Variants in NTRK1 observed in about 807,000 individuals in gnomAD.
The protein encoded by NTRK1 is high affinity nerve growth factor receptor.
In NTRK1, 62 loss-of-function variants were observed where a neutral mutation model predicts 86.8. The observed-to-expected ratio is 0.71, with a 90% CI of 0.58 to 0.88. The LOEUF is 0.88. Ranked by LOEUF, NTRK1 falls within the 40% of genes least tolerant of loss-of-function variation. NTRK1 has a pLI of 0.00. For synonymous variants in NTRK1, 469 were observed against 456.6 expected (o/e 1.03, Z -0.35); for missense variants, 967 against 1,078.4 (o/e 0.90, Z 1.45).
chr1:156,855,918 C>CGT (rs57540966), upstream of NTRK1, among the ~76,000 whole-genome samples: 3,448 of 149,430 alleles, frequency 0.023, 111 homozygotes, highest in African/African-American at 0.074. Context: ...GACTAATGTG[C>CGT]GTGTGTGTGT....
intron 2 of NTRK1, chr1:156,849,262 G>T: frequency 6.2e-7 from 1 of 1,613,932 alleles, no homozygotes; most frequent in Non-Finnish European, 8.5e-7. Flanking sequence ...CGCGGTCTCC[G>T]TTGGTGCGGG....
At chr1:156,842,208 C>T (rs1231811630) in intron 2 of NTRK1, 4 of 1,614,102 alleles carry the variant, frequency 2.5e-6, no homozygotes, top group South Asian at 1.1e-5. Flanking sequence ...GCCATGCCGT[C>T]TGCAATCTCA....
intron 2 of NTRK1, among the ~76,000 whole-genome samples, chr1:156,855,164 G>T (rs1655362061): frequency 1.8e-5 from 1 of 56,422 alleles, no homozygotes; most frequent in South Asian, 5.8e-4. Flanking sequence ...GGCCTTCTCT[G>T]ACCATCCAAT....
intron 1 of NTRK1, among the ~76,000 whole-genome samples, chr1:156,816,423 C>T (rs1571631087): frequency 6.6e-6 from 1 of 152,224 alleles, no homozygotes; most frequent in South Asian, 2.1e-4. Flanking sequence ...GCCTCCTTCT[C>T]CCTTCATCCT....
At chr1:156,826,599 T>C (rs1242006483) in intron 1 of NTRK1, among the ~76,000 whole-genome samples, 1 of 152,152 alleles carries the variant, frequency 6.6e-6, no homozygotes, top group Non-Finnish European at 1.5e-5. Flanking sequence ...GATCTCTAAG[T>C]AGTTGAGGCT....
chr1:156,859,934 C>T (rs887340173), upstream of NTRK1, among the ~76,000 whole-genome samples: 6 of 152,202 alleles, frequency 3.9e-5, no homozygotes, highest in Non-Finnish European at 7.3e-5. This position sits in a 1 kb window ranked among gnomAD's most constrained non-coding sequence, Gnocchi z 6.2. Context: ...CTTCTGCTGC[C>T]CTGGGTGCTG....
intron 1 of NTRK1, among the ~76,000 whole-genome samples, chr1:156,862,141 C>T (rs1427603521): frequency 6.6e-6 from 1 of 152,170 alleles, no homozygotes; most frequent in Non-Finnish European, 1.5e-5. Flanking sequence ...CTGTGATGGG[C>T]TGGAAGGTAT....
At chr1:156,848,800 C>T in intron 2 of NTRK1, 8 of 1,222,786 alleles carry the variant, frequency 6.5e-6, no homozygotes, top group Non-Finnish European at 9.0e-6. Context: ...GTACAACTTG[C>T]GGGTCCTGGC....
intron 8 of NTRK1, chr1:156,874,170 G>T (rs2102907676): frequency 1.1e-6 from 1 of 905,378 alleles, no homozygotes; most frequent in Non-Finnish European, 1.8e-6. Flanking sequence ...TTGTCGGCTG[G>T]CTGAGGAGAC....
chr1:156,832,453 A>G (rs558123116), intron 1 of NTRK1, among the ~76,000 whole-genome samples: 4 of 152,350 alleles, frequency 2.6e-5, no homozygotes, highest in African/African-American at 9.6e-5. Flanking sequence ...CAAGGGGAAG[A>G]GAAATCAGTA....
At chr1:156,850,900 C>A (rs114554164) in intron 2 of NTRK1, among the ~76,000 whole-genome samples, 1 of 152,154 alleles carries the variant, frequency 6.6e-6, no homozygotes, top group African/African-American at 2.4e-5. Flanking sequence ...TATAGGTAGG[C>A]CTTGACTGGC....
rs1317722196 is a variant in NTRK1 at position 156,874,369 on chromosome 1, C to T, written c.1178-14C>T. 1 of 1,613,998 alleles carries T rather than the reference C, an allele frequency of 6.2e-7. No individual in the cohort carries two copies. Among genetic ancestry groups the T allele is most frequent in the Non-Finnish European group, 8.5e-7 (1 of 1,180,010 alleles). ...CCTCCCTCTGACTGCTTTCTCTCCT[C>T]CCTCCTGCTGCAGTCTCCTTCTCGC... is the stretch of plus-strand genomic sequence containing the variant. On this transcript the variant is annotated splice_polypyrimidine_tract_variant and intron_variant, in intron 8 of 16. Transcript: ENST00000524377.
At chr1:156,840,845 G>T in intron 1 of NTRK1, 1 of 1,562,734 alleles carries the variant, frequency 6.4e-7, no homozygotes, top group South Asian at 1.1e-5. Context: ...TCTCCCCATG[G>T]GAGGCCAGCC....
chr1:156,841,764 G>A, intron 1 of NTRK1: 1 of 1,614,146 alleles, frequency 6.2e-7, no homozygotes, highest in Non-Finnish European at 8.5e-7. Flanking sequence ...GTAATAGTCT[G>A]TCTCATACAC....
rs1655354223 is a variant in NTRK1, at chr1:156,854,897, T to C, written c.51-9457T>C. ...TAACCCCCCGTGACTTCCATCTCTC[T>C]TGATCTTACTACAGCCTACAGGGCC... On this transcript the variant is annotated intron_variant, in intron 2 of 16. Transcript: ENST00000392302. This position sits in a 1 kb window ranked among gnomAD's most constrained non-coding sequence, Gnocchi z 4.2. 1.3e-5 allele frequency among the ~76,000 whole-genome samples: 2 copies of C among 152,188 alleles called. No individual in the cohort carries two copies. Among genetic ancestry groups the C allele is most frequent in the Admixed American group, 1.3e-4 (2 of 15,278 alleles).
rs1053521972 is a variant in NTRK1, at chr1:156,816,879, G to A, written c.-64+1041G>A. On this transcript the variant is annotated intron_variant, in intron 1 of 16. Coordinates refer to the NTRK1 transcript ENST00000392302. The stretch of plus-strand genomic sequence containing the variant: ...GGACTCACGTCATGGAAAGCCTTAA[G>A]ACGATTGTCCCACCCCCGGAAGCCA... 5 of 522,900 alleles carry A rather than the reference G, an allele frequency of 9.6e-6. No homozygotes were observed. The South Asian group carries it at 1.2e-4, about 12-fold the overall frequency. 32.4% of individuals were successfully genotyped at this position (522,900 alleles called of 1,614,324 possible).
chr1:156,854,223 G>T lies in NTRK1; in HGVS notation c.51-10131G>T. ...GTGGCTGTGAACATGAGCAGGATCT[G>T]CAGGTGGCCCTCCACCACGCTGCAG... On this transcript the variant is annotated intron_variant, in intron 2 of 16. Coordinates refer to the NTRK1 transcript ENST00000392302. This position sits in a 1 kb window ranked among gnomAD's most constrained non-coding sequence, Gnocchi z 4.2. 6.2e-7 allele frequency: 1 copy of T among 1,613,980 alleles called. No homozygotes were observed.
intron 1 of NTRK1, among the ~76,000 whole-genome samples, chr1:156,863,644 G>A (rs1655786408): frequency 6.6e-6 from 1 of 152,006 alleles, no homozygotes; most frequent in Non-Finnish European, 1.5e-5. Flanking sequence ...CAGAGGCTAT[G>A]GGGGTGCAGA....
At chr1:156,819,944 T>C (rs1368927639) in intron 1 of NTRK1, among the ~76,000 whole-genome samples, 1 of 152,032 alleles carries the variant, frequency 6.6e-6, no homozygotes, top group Non-Finnish European at 1.5e-5. Context: ...TGCTGATTAC[T>C]TTTTTTTGCT....
Sources: gnomAD v4.1 joint callset for allele counts (sites outside exome capture counted in the v4.1 genomes callset) on GRCh38, gnomAD v4.1.1 for gene constraint, Gnocchi (gnomAD v3.1) non-coding constraint, MANE v1.5 for transcripts, NCBI Gene and HGNC (gene_info 2026-07-23, HGNC 2026-07-21) for gene names.